RNF170: variants seen among roughly 807,000 people sequenced by gnomAD.
The protein encoded by RNF170 is E3 ubiquitin-protein ligase RNF170.
RNF170 carries 12 observed loss-of-function variants against 32.7 expected under a neutral mutation model. The ratio of observed to expected loss-of-function variants is 0.37; its 90% CI spans 0.24 to 0.60. The LOEUF (loss-of-function observed/expected upper bound fraction) is 0.60. RNF170 is among the 20% of genes least tolerant of loss of function. RNF170 has a pLI of 0.72. For synonymous variants in RNF170, 91 were observed against 103.6 expected (o/e 0.88, Z 0.74); for missense variants, 212 against 311.2 (o/e 0.68, Z 2.40).
chr8:42,860,732 A>G (rs1386370943), intron 6 of RNF170, among the ~76,000 whole-genome samples: 1 of 123,378 alleles, frequency 8.1e-6, no homozygotes, highest in Non-Finnish European at 1.7e-5. Flanking sequence ...CTAAACCTGG[A>G]ATTTTTTGGA....
chr8:42,882,766 A>C (rs192192354), intron 2 of RNF170, among the ~76,000 whole-genome samples: 2 of 152,260 alleles, frequency 1.3e-5, no homozygotes, highest in African/African-American at 4.8e-5. Context: ...GGAAGATTAA[A>C]CACCACATGA....
intron 6 of RNF170, among the ~76,000 whole-genome samples, chr8:42,859,105 G>A (rs1469907886): frequency 6.6e-6 from 1 of 152,138 alleles, no homozygotes; most frequent in Non-Finnish European, 1.5e-5. Flanking sequence ...GAAGGCTTGA[G>A]CCCAGGAGGC....
At chr8:42,884,825 C>G (rs1419789794) in intron 2 of RNF170, among the ~76,000 whole-genome samples, 1 of 147,698 alleles carries the variant, frequency 6.8e-6, no homozygotes, top group African/African-American at 2.5e-5. Context: ...CCTCAGCCTC[C>G]TGGGTAGGTG....
intron 2 of RNF170, among the ~76,000 whole-genome samples, chr8:42,886,569 G>A (rs1472486886): frequency 2.0e-5 from 3 of 152,146 alleles, no homozygotes; most frequent in African/African-American, 7.2e-5. Flanking sequence ...GGGATTATAG[G>A]CACCTGCCAC....
chr8:42,874,551 G>A (rs1804769205), intron 2 of RNF170, among the ~76,000 whole-genome samples: 1 of 151,870 alleles, frequency 6.6e-6, no homozygotes, highest in Admixed American at 6.6e-5. Context: ...AGACCAGCCT[G>A]GCCAACATGG....
At chr8:42,886,473 T>C (rs1805834869) in intron 2 of RNF170, among the ~76,000 whole-genome samples, 1 of 152,150 alleles carries the variant, frequency 6.6e-6, no homozygotes, top group African/African-American at 2.4e-5. Flanking sequence ...AAGATAATGT[T>C]ACCCTAATAA....
At chr8:42,872,837 T>C (rs1804626210) in intron 3 of RNF170, among the ~76,000 whole-genome samples, 2 of 152,080 alleles carry the variant, frequency 1.3e-5, no homozygotes, top group South Asian at 4.1e-4. Flanking sequence ...GCCTAGAAAA[T>C]GTATGGCATG....
At position 42,887,727 on chromosome 8, in the gene RNF170, C is replaced by T. The variant is rs1404768021; in HGVS notation, c.137+1G>A. The T allele has an allele frequency of 5.6e-6, 9 of 1,613,960 alleles. No homozygotes were observed. The highest frequency in any genetic ancestry group is 7.6e-6 in the Non-Finnish European group (9 of 1,180,000). The stretch of plus-strand genomic sequence containing the variant: ...TCAATTCTTTTGTCCTTAAATCTCA[C>T]CTGAAAAGTGCATATACCAGGGTAG... On this transcript the variant is annotated splice_donor_variant, in intron 2 of 6. Transcript: ENST00000527424. LOFTEE classifies it high-confidence loss of function.
intron 2 of RNF170, among the ~76,000 whole-genome samples, chr8:42,877,564 G>A (rs1805049080): frequency 6.6e-6 from 1 of 152,138 alleles, no homozygotes; most frequent in South Asian, 2.1e-4. Context: ...ATTCAATAGG[G>A]AAAGTACCCT....
At chr8:42,883,941 T>C (rs1419657302) in intron 2 of RNF170, among the ~76,000 whole-genome samples, 2 of 152,138 alleles carry the variant, frequency 1.3e-5, no homozygotes, top group Admixed American at 1.3e-4. Flanking sequence ...CCTCAGACAA[T>C]GTCCAAGTAA....
chr8:42,888,690 A>G (rs1003443714), intron 1 of RNF170, among the ~76,000 whole-genome samples: 4 of 152,118 alleles, frequency 2.6e-5, no homozygotes, highest in African/African-American at 4.8e-5. Context: ...CCTGGGAGGC[A>G]GAGGTTGTAG....
chr8:42,893,264 G>A (rs2130216651), intron 1 of RNF170, among the ~76,000 whole-genome samples: 1 of 152,246 alleles, frequency 6.6e-6, no homozygotes. Flanking sequence ...ATGGTATCCT[G>A]TAAAATATGA....
intron 1 of RNF170, among the ~76,000 whole-genome samples, chr8:42,888,941 T>C (rs1333376130): frequency 6.6e-6 from 1 of 152,186 alleles, no homozygotes; most frequent in East Asian, 1.9e-4. Context: ...GGAAAGGAAA[T>C]ATATTATAGT....
At chr8:42,867,861 GA>G (rs1014605254) in intron 4 of RNF170, among the ~76,000 whole-genome samples, 11 of 149,358 alleles carry the variant, frequency 7.4e-5, no homozygotes, top group Non-Finnish European at 1.5e-4. Flanking sequence ...TTGTAGAAAA[GA>G]AAGGATTTGA....
At chr8:42,886,182 C>T (rs374712329) in intron 2 of RNF170, among the ~76,000 whole-genome samples, 2 of 151,850 alleles carry the variant, frequency 1.3e-5, no homozygotes, top group Admixed American at 6.6e-5. Flanking sequence ...CGAGATCACG[C>T]CACTGCACTC....
At chr8:42,861,999 G>C (rs1803699989) in intron 5 of RNF170, 144 bp from the exon 6 acceptor site, 2 of 793,838 alleles carry the variant, frequency 2.5e-6, no homozygotes, top group South Asian at 2.1e-5. Context: ...GGGGAGGGGA[G>C]TAAGTAACTG....
At chr8:42,881,768 CTA>C (rs1805431342) in intron 2 of RNF170, among the ~76,000 whole-genome samples, 1 of 152,056 alleles carries the variant, frequency 6.6e-6, no homozygotes, top group Non-Finnish European at 1.5e-5. Flanking sequence ...AACACTGTTT[CTA>C]CAAAAAATAC....
At chr8:42,888,003 C>CATCAGTCCCCACTGG in intron 1 of RNF170, 132 bp from the exon 2 acceptor site, 2 of 768,810 alleles carry the variant, frequency 2.6e-6, no homozygotes, top group Non-Finnish European at 4.4e-6. Flanking sequence ...AGTACAACTC[C>CATCAGTCCCCACTGG]AGTGGGGACT....
chr8:42,862,837 A>G (rs529145742), intron 5 of RNF170, among the ~76,000 whole-genome samples: 7 of 152,380 alleles, frequency 4.6e-5, no homozygotes, highest in African/African-American at 1.7e-4. Context: ...GTATGCCAGA[A>G]AAATGAAGTC....
Sources: gnomAD v4.1 joint callset for allele counts (sites outside exome capture counted in the v4.1 genomes callset) on GRCh38, gnomAD v4.1.1 for gene constraint, MANE v1.5 for transcripts, NCBI Gene and HGNC (gene_info 2026-07-23, HGNC 2026-07-21) for gene names.